USH2A: variants seen among roughly 807,000 people sequenced by gnomAD.
USH2A encodes usherin.
In USH2A, 443 loss-of-function variants were observed where a neutral mutation model predicts 538.9. The observed-to-expected ratio is 0.82, with a 90% CI of 0.76 to 0.89. The LOEUF is 0.89. Ranked by LOEUF, USH2A falls within the 40% of genes least tolerant of loss-of-function variation. The probability of loss-of-function intolerance (pLI) is 0.00; values close to 1 mark genes in which losing one functional copy is unlikely to be tolerated. For synonymous variants in USH2A, 2,413 were observed against 2,273.5 expected, an observed-to-expected ratio of 1.06 and a Z score of -1.75; for missense variants, 6,633 against 6,324.8, an observed-to-expected ratio of 1.05 and a Z score of -1.65.
At chr1:216,213,835 C>A (rs1439391476) in intron 15 of USH2A, among the ~76,000 whole-genome samples, 2 of 151,848 alleles carry the variant, frequency 1.3e-5, no homozygotes, top group Admixed American at 6.6e-5. Flanking sequence ...CAAGTTTTAT[C>A]CCAAATTAAT....
chr1:215,872,186 T>G (rs1476674477), intron 43 of USH2A, among the ~76,000 whole-genome samples: 3 of 152,212 alleles, frequency 2.0e-5, no homozygotes, highest in Non-Finnish European at 2.9e-5. Flanking sequence ...ATACTTTTCC[T>G]TACATCTTCA....
intron 35 of USH2A, among the ~76,000 whole-genome samples, chr1:215,990,485 G>A (rs970200226): frequency 2.0e-5 from 3 of 152,284 alleles, no homozygotes; most frequent in Middle Eastern, 3.4e-3. Context: ...TAGGCTCTGC[G>A]GAGTGAAAGA....
At chr1:216,208,301 C>T (rs1458074153) in intron 15 of USH2A, among the ~76,000 whole-genome samples, 2 of 152,034 alleles carry the variant, frequency 1.3e-5, no homozygotes, top group Non-Finnish European at 2.9e-5. Flanking sequence ...ATCCCCCATC[C>T]ATTTAAAGAA....
intron 21 of USH2A, among the ~76,000 whole-genome samples, chr1:216,147,009 T>C (rs2033719807): frequency 6.6e-6 from 1 of 152,154 alleles, no homozygotes; most frequent in Admixed American, 6.5e-5. Flanking sequence ...ATCTAAATAA[T>C]TCTTGTCATA....
At chr1:215,741,249 CA>C (rs901728055) in intron 60 of USH2A, 125 bp downstream of exon 60, 192 of 1,177,940 alleles carry the variant, frequency 1.6e-4, no homozygotes, top group Middle Eastern at 2.8e-4. Context: ...CAAAACAAAA[CA>C]AAAAAAAACA....
At chr1:216,120,431 G>C (rs1275390443) in intron 21 of USH2A, among the ~76,000 whole-genome samples, 2 of 151,738 alleles carry the variant, frequency 1.3e-5, no homozygotes, top group African/African-American at 4.8e-5. Context: ...CCAGGCTGGA[G>C]TGCAATGGCG....
intron 44 of USH2A, among the ~76,000 whole-genome samples, chr1:215,847,439 G>T (rs1370114122): frequency 6.6e-6 from 1 of 152,052 alleles, no homozygotes; most frequent in South Asian, 2.1e-4. Flanking sequence ...GAGCTCAGGA[G>T]TTCGAGACCA....
At chr1:215,882,025 T>C (rs900382175) in intron 41 of USH2A, among the ~76,000 whole-genome samples, 3 of 152,128 alleles carry the variant, frequency 2.0e-5, no homozygotes, top group African/African-American at 7.2e-5. Context: ...TTGAAAAGAG[T>C]AACACCCAAA....
chr1:215,805,126 G>T (rs1662459337), intron 49 of USH2A, among the ~76,000 whole-genome samples: 2 of 151,910 alleles, frequency 1.3e-5, no homozygotes, highest in Admixed American at 6.6e-5. Context: ...ACACACAGGG[G>T]CCTGTTGTGG....
At chr1:216,200,461 T>G (rs766694993) in intron 16 of USH2A, among the ~76,000 whole-genome samples, 14 of 152,320 alleles carry the variant, frequency 9.2e-5, no homozygotes, top group Non-Finnish European at 1.5e-4. Context: ...TCTATGTAAC[T>G]TGTTTGCTTG....
At chr1:216,390,697 T>C (rs565424186) in intron 3 of USH2A, among the ~76,000 whole-genome samples, 69 of 152,318 alleles carry the variant, frequency 4.5e-4, no homozygotes, top group Non-Finnish European at 8.8e-4. Context: ...AATAATTTGG[T>C]AAATAAATGT....
intron 44 of USH2A, among the ~76,000 whole-genome samples, chr1:215,846,414 A>G (rs1180639926): frequency 1.3e-5 from 2 of 152,034 alleles, no homozygotes; most frequent in Admixed American, 6.6e-5. Flanking sequence ...GGGTCTTGCT[A>G]TGTTTCCCAG....
At chr1:216,198,191 T>C (rs1170663445) in intron 18 of USH2A, 124 bp downstream of exon 18, 1 of 1,411,946 alleles carries the variant, frequency 7.1e-7, no homozygotes, top group African/African-American at 1.4e-5. Flanking sequence ...AAAATTTTCC[T>C]TGGTCTATGG....
intron 43 of USH2A, among the ~76,000 whole-genome samples, chr1:215,869,803 C>A (rs1166687620): frequency 6.6e-6 from 1 of 152,114 alleles, no homozygotes; most frequent in Non-Finnish European, 1.5e-5. Context: ...TTAACAATAT[C>A]AGGTGGCGCT....
rs1417231001 is a variant in USH2A at position 215,640,727 on chromosome 1, C to A, written c.14799G>T (p.Gln4933His). Residue 4933 changes from glutamine to histidine, a missense_variant, in exon 68 of 72, where the codon CAG becomes CAT. Gln to His is a conservative substitution (Grantham distance 24). Coordinates refer to ENST00000307340, the MANE Select transcript of USH2A (RefSeq NM_206933.4). Reference protein sequence around the residue: ...ISFTTQKELPQYRAPFSVDSN... With the variant: ...ISFTTQKELPHYRAPFSVDSN... ...TGTCCACCGAAAATGGGGCTCGGTACTGAGGCACTGTGGGGAGAAAGTTGT... is the reference window on the plus strand; with the variant it reads ...TGTCCACCGAAAATGGGGCTCGGTAATGAGGCACTGTGGGGAGAAAGTTGT... 1 of 1,610,960 alleles carries A rather than the reference C, an allele frequency of 6.2e-7. No homozygotes were observed. The highest frequency in any genetic ancestry group is 2.2e-5 in the East Asian group (1 of 44,682).
intron 21 of USH2A, among the ~76,000 whole-genome samples, chr1:216,141,399 C>T (rs1478290609): frequency 6.6e-6 from 1 of 152,204 alleles, no homozygotes; most frequent in Non-Finnish European, 1.5e-5. Flanking sequence ...TCTACAGAGG[C>T]TGACATTTTC....
intron 3 of USH2A, among the ~76,000 whole-genome samples, chr1:216,400,231 T>C (rs950924518): frequency 1.3e-5 from 2 of 150,766 alleles, no homozygotes; most frequent in South Asian, 4.2e-4. Flanking sequence ...TATATATATA[T>C]ATATATAAAA....
At chr1:216,038,642 T>A (rs1231711471) in intron 32 of USH2A, among the ~76,000 whole-genome samples, 1 of 152,046 alleles carries the variant, frequency 6.6e-6, no homozygotes, top group Non-Finnish European at 1.5e-5. Context: ...CTGTTTCTTG[T>A]TTTGGGTACA....
At chr1:216,286,701 G>A (rs1558365294) in intron 11 of USH2A, among the ~76,000 whole-genome samples, 1 of 152,024 alleles carries the variant, frequency 6.6e-6, no homozygotes, top group African/African-American at 2.4e-5. Flanking sequence ...TCCAGCCTGG[G>A]TGACAGAGCG....
Sources: gnomAD v4.1 joint callset for allele counts (sites outside exome capture counted in the v4.1 genomes callset) on GRCh38, gnomAD v4.1.1 for gene constraint, MANE v1.5 for transcripts, NCBI Gene and HGNC (gene_info 2026-07-23, HGNC 2026-07-21) for gene names.